Variants in EYS observed in about 807,000 individuals in gnomAD.
EYS encodes the protein EGF-like photoreceptor maintenance factor.
Under a neutral mutation model 282.1 loss-of-function variants are expected in EYS, and 250 were observed. That is an observed-to-expected ratio of 0.89 (90% CI 0.80 to 0.98). The LOEUF is 0.98. Ranked by LOEUF, EYS falls within the 50% of genes least tolerant of loss-of-function variation. The probability of loss-of-function intolerance (pLI) is 0.00; values close to 1 mark genes in which losing one functional copy is unlikely to be tolerated. For synonymous variants in EYS, 1,355 were observed against 1,282.9 expected (o/e 1.06, Z -1.20); for missense variants, 4,016 against 3,709.0 (o/e 1.08, Z -2.15).
At chr6:64,601,752 AC>A (rs1179146830) in intron 24 of EYS, among the ~76,000 whole-genome samples, 2 of 152,084 alleles carry the variant, frequency 1.3e-5, no homozygotes, top group African/African-American at 4.8e-5. Flanking sequence ...TGTCAATTGC[AC>A]TTGAATAAAA....
At chr6:64,317,456 A>T (rs1561926313) in intron 29 of EYS, among the ~76,000 whole-genome samples, 3 of 152,212 alleles carry the variant, frequency 2.0e-5, no homozygotes, top group South Asian at 2.1e-4. Flanking sequence ...TCATTAGAGA[A>T]ATGCAAATCA....
At chr6:63,748,274 A>G (rs900381849) in intron 41 of EYS, among the ~76,000 whole-genome samples, 4 of 152,118 alleles carry the variant, frequency 2.6e-5, no homozygotes, top group African/African-American at 9.7e-5. Context: ...CTGTTGATGG[A>G]CAGTTAGGTT....
At chr6:64,553,546 C>CA (rs1050713958) in intron 26 of EYS, among the ~76,000 whole-genome samples, 3 of 34,032 alleles carry the variant, frequency 8.8e-5, no homozygotes, top group East Asian at 9.6e-4. Flanking sequence ...TTTTGTTTGA[C>CA]CCCCCCCCCC....
chr6:64,272,363 T>C (rs1214430095), intron 30 of EYS, among the ~76,000 whole-genome samples: 4 of 152,194 alleles, frequency 2.6e-5, no homozygotes, highest in African/African-American at 9.7e-5. Flanking sequence ...AGTTTCTTCA[T>C]AGTGTTGATG....
At chr6:65,583,309 T>C (rs1168188827) in intron 2 of EYS, among the ~76,000 whole-genome samples, 1 of 152,078 alleles carries the variant, frequency 6.6e-6, no homozygotes, top group Non-Finnish European at 1.5e-5. Context: ...ATATTAAATA[T>C]AAAAATGCAG....
chr6:64,898,441 C>T (rs1767545330), intron 18 of EYS, among the ~76,000 whole-genome samples: 1 of 152,080 alleles, frequency 6.6e-6, no homozygotes, highest in South Asian at 2.1e-4. Context: ...CTTACAACGG[C>T]TCCTGAAGGA....
chr6:64,338,195 T>C (rs571547458), intron 29 of EYS, among the ~76,000 whole-genome samples: 1 of 152,122 alleles, frequency 6.6e-6, no homozygotes, highest in East Asian at 1.9e-4. Flanking sequence ...AAACTGTCAC[T>C]GTTTGCTGAC....
chr6:63,811,333 A>G (rs927337908), intron 36 of EYS, among the ~76,000 whole-genome samples: 2 of 152,206 alleles, frequency 1.3e-5, no homozygotes, highest in African/African-American at 2.4e-5. Flanking sequence ...TAAGATCACT[A>G]GTGACCACAG....
At chr6:63,829,632 G>C (rs1771570998) in intron 36 of EYS, among the ~76,000 whole-genome samples, 1 of 152,352 alleles carries the variant, frequency 6.6e-6, no homozygotes, top group South Asian at 2.1e-4. Flanking sequence ...CTCCACTTCT[G>C]GGGGCAGGGC....
chr6:65,441,374 A>T (rs550158710), intron 5 of EYS, among the ~76,000 whole-genome samples: 1 of 151,922 alleles, frequency 6.6e-6, no homozygotes, highest in East Asian at 1.9e-4. Context: ...TGTTCTATTT[A>T]CGAATGTTCA....
chr6:65,513,210 C>A (rs1302619202), intron 2 of EYS, among the ~76,000 whole-genome samples: 1 of 151,996 alleles, frequency 6.6e-6, no homozygotes, highest in African/African-American at 2.4e-5. Flanking sequence ...TAAATTCCTC[C>A]ACACATACAC....
intron 26 of EYS, among the ~76,000 whole-genome samples, chr6:64,503,578 A>G (rs1163419196): frequency 6.6e-6 from 1 of 152,176 alleles, no homozygotes; most frequent in Non-Finnish European, 1.5e-5. Context: ...CTACAGATTC[A>G]GCTCCCTAAC....
intron 14 of EYS, among the ~76,000 whole-genome samples, chr6:64,963,036 G>T (rs1769976731): frequency 6.6e-6 from 1 of 152,098 alleles, no homozygotes. Context: ...TATGGTAAAA[G>T]ATATGCATAT....
intron 31 of EYS, among the ~76,000 whole-genome samples, chr6:64,224,397 T>G (rs1309892167): frequency 6.6e-6 from 1 of 152,056 alleles, no homozygotes; most frequent in East Asian, 1.9e-4. Context: ...TTTGATTGAT[T>G]GAAAACCATT....
chr6:65,145,557 A>G (rs926695995), intron 12 of EYS, among the ~76,000 whole-genome samples: 1 of 152,004 alleles, frequency 6.6e-6, no homozygotes, highest in African/African-American at 2.4e-5. Flanking sequence ...TAATTAATAT[A>G]AGTGACAATT....
intron 28 of EYS, among the ~76,000 whole-genome samples, chr6:64,407,112 G>A (rs924494619): frequency 6.6e-6 from 1 of 152,200 alleles, no homozygotes; most frequent in African/African-American, 2.4e-5. Flanking sequence ...GGAATACTAT[G>A]CAGCCATAAA....
intron 21 of EYS, among the ~76,000 whole-genome samples, chr6:64,816,733 A>G (rs1442545964): frequency 6.6e-6 from 1 of 152,154 alleles, no homozygotes; most frequent in Non-Finnish European, 1.5e-5. Flanking sequence ...GGTAGGGCAC[A>G]CACAAACAAA....
intron 37 of EYS, among the ~76,000 whole-genome samples, chr6:63,799,895 C>T (rs1041770914): frequency 2.0e-5 from 3 of 152,134 alleles, no homozygotes; most frequent in African/African-American, 7.2e-5. Context: ...GCAGGAATTC[C>T]AGGCAAGAGG....
chr6:64,437,317 G>A (rs1196473698), intron 27 of EYS, among the ~76,000 whole-genome samples: 2 of 151,652 alleles, frequency 1.3e-5, no homozygotes, highest in South Asian at 2.1e-4. Flanking sequence ...TAGGTTAAAC[G>A]AAGATATTTA....
Sources: allele counts gnomAD v4.1 joint callset (sites outside exome capture counted in the v4.1 genomes callset), GRCh38; gene constraint gnomAD v4.1.1; transcripts MANE v1.5; gene names NCBI Gene and HGNC (gene_info 2026-07-23, HGNC 2026-07-21).